Variants in MDGA2 observed in about 807,000 individuals in gnomAD.
MDGA2 encodes MAM domain containing glycosylphosphatidylinositol anchor 2.
Under a neutral mutation model 117.8 loss-of-function variants are expected in MDGA2, and 40 were observed. The observed-to-expected ratio is 0.34, with a 90% CI of 0.26 to 0.44. The LOEUF (loss-of-function observed/expected upper bound fraction) is 0.44, where lower values mean the gene tolerates loss of function less well. Among genes scored for constraint, MDGA2 ranks in the 20% least tolerant of loss-of-function variants. MDGA2 has a pLI of 1.00. For missense variants in MDGA2, 1,123 were observed against 1,250.6 expected, an observed-to-expected ratio of 0.90 and a Z score of 1.54; for synonymous variants, 452 against 439.0, an observed-to-expected ratio of 1.03 and a Z score of -0.37.
At chr14:47,254,512 G>A (rs973955357) in intron 2 of MDGA2, among the ~76,000 whole-genome samples, 6 of 152,086 alleles carry the variant, frequency 3.9e-5, no homozygotes, top group Non-Finnish European at 7.3e-5. Context: ...AGATCACCTC[G>A]GACTGGACGT....
At chr14:46,874,354 A>G (rs1209446414) in intron 12 of MDGA2, among the ~76,000 whole-genome samples, 154 bp from the exon 13 acceptor site, 1 of 151,870 alleles carries the variant, frequency 6.6e-6, no homozygotes, top group Non-Finnish European at 1.5e-5. Context: ...TTACAACTAA[A>G]CATAAAACCA....
chr14:46,840,795 C>G lies in MDGA2; in HGVS notation c.*1136G>C, dbSNP rs1418960601. On this transcript the variant is annotated 3_prime_UTR_variant, in exon 17 of 17. Transcript: ENST00000399232. ...TTCTGCACTAAGTATTCTTAATAAC[C>G]TTTTGCTCTGGTTGACCCATTTAAT... The G allele has an allele frequency of 6.6e-6, 1 of 152,472 alleles. No homozygotes were observed. The highest frequency in any genetic ancestry group is 2.4e-5 in the African/African-American group (1 of 41,416). The allele number at this position is 152,472 out of a possible 1,614,324, so 9.4% of individuals were successfully genotyped here.
At chr14:47,524,865 G>A (rs1378304274) in intron 1 of MDGA2, among the ~76,000 whole-genome samples, 3 of 152,184 alleles carry the variant, frequency 2.0e-5, no homozygotes, top group Non-Finnish European at 4.4e-5. Flanking sequence ...GATTTCTTAA[G>A]CGAGTTGTGG....
At chr14:47,583,170 C>T (rs1896260064) in intron 1 of MDGA2, among the ~76,000 whole-genome samples, 1 of 151,814 alleles carries the variant, frequency 6.6e-6, no homozygotes, top group East Asian at 1.9e-4. Context: ...TGAGGTGAAA[C>T]AGACAATGTG....
chr14:47,555,498 A>T (rs1226604767), intron 1 of MDGA2, among the ~76,000 whole-genome samples: 1 of 152,178 alleles, frequency 6.6e-6, no homozygotes, highest in African/African-American at 2.4e-5. Flanking sequence ...GTTGTCATTA[A>T]GTTGCCATGT....
chr14:47,377,224 G>A (rs1319877822), intron 1 of MDGA2, among the ~76,000 whole-genome samples: 1 of 152,104 alleles, frequency 6.6e-6, no homozygotes, highest in East Asian at 1.9e-4. Flanking sequence ...TAAAGCTGAA[G>A]AAAAATATAC....
chr14:47,621,172 T>G (rs1897043019), intron 1 of MDGA2, among the ~76,000 whole-genome samples: 1 of 152,120 alleles, frequency 6.6e-6, no homozygotes, highest in Admixed American at 6.5e-5. Context: ...TAGAACTTGA[T>G]TTTCCTTTTA....
chr14:47,583,810 T>C, intron 1 of MDGA2, among the ~76,000 whole-genome samples: 1 of 151,880 alleles, frequency 6.6e-6, no homozygotes. Context: ...ACCTTATGTG[T>C]AAACAGCATT....
chr14:47,013,820 G>A (rs144402430), intron 8 of MDGA2, among the ~76,000 whole-genome samples: 1 of 99,852 alleles, frequency 1.0e-5, no homozygotes, highest in African/African-American at 3.5e-5. Context: ...ACAGAGTGTT[G>A]CTCTTTTTGC....
rs545938770 is a variant in MDGA2 at position 47,391,912 on chromosome 14, T to C, written c.281-90362A>G. ...TTAAAAGTTATTTTAAACTGACACC[T>C]CTTTATGTTAATTATTCTCATATGC... is the stretch of plus-strand genomic sequence containing the variant. On this transcript the variant is annotated intron_variant, in intron 1 of 16. Coordinates refer to ENST00000399232, the MANE Select transcript of MDGA2 (RefSeq NM_001113498.3). Among the ~76,000 whole-genome samples, 74 of 152,178 alleles carry C rather than the reference T, an allele frequency of 4.9e-4. 1 individual carries two copies. Among genetic ancestry groups the C allele is most frequent in the Non-Finnish European group, 9.1e-4 (62 of 68,032 alleles).
At chr14:47,415,947 T>C (rs181038080) in intron 1 of MDGA2, among the ~76,000 whole-genome samples, 1 of 152,278 alleles carries the variant, frequency 6.6e-6, no homozygotes, top group Non-Finnish European at 1.5e-5. Flanking sequence ...GTAAATACTA[T>C]CACCTTCATG....
intron 2 of MDGA2, among the ~76,000 whole-genome samples, chr14:47,271,246 T>G (rs917959384): frequency 6.6e-6 from 1 of 152,186 alleles, no homozygotes; most frequent in South Asian, 2.1e-4. Flanking sequence ...TCCTTCTTTT[T>G]ATTTTTAATA....
chr14:46,893,103 T>C (rs1237247674), intron 10 of MDGA2, among the ~76,000 whole-genome samples: 1 of 151,862 alleles, frequency 6.6e-6, no homozygotes, highest in Non-Finnish European at 1.5e-5. Flanking sequence ...ACAACCTAAA[T>C]GTCCATGAAT....
intron 8 of MDGA2, among the ~76,000 whole-genome samples, chr14:46,960,181 G>A (rs571655049): frequency 9.9e-5 from 15 of 151,960 alleles, no homozygotes; most frequent in South Asian, 2.1e-4. Flanking sequence ...AGATTGCACC[G>A]CTGCACTCCA....
chr14:47,084,520 A>C (rs936614642), intron 6 of MDGA2, among the ~76,000 whole-genome samples: 1 of 151,628 alleles, frequency 6.6e-6, no homozygotes. Flanking sequence ...AAAAACTGAC[A>C]TGCTGAGTAA....
intron 1 of MDGA2, among the ~76,000 whole-genome samples, chr14:47,405,477 G>A (rs1415267858): frequency 6.6e-6 from 1 of 151,980 alleles, no homozygotes; most frequent in Non-Finnish European, 1.5e-5. Flanking sequence ...TTTATGTTTT[G>A]CCTGTTTCTC....
intron 1 of MDGA2, among the ~76,000 whole-genome samples, chr14:47,404,182 A>T (rs1322195197): frequency 7.5e-6 from 1 of 133,228 alleles, no homozygotes; most frequent in Non-Finnish European, 1.6e-5. Flanking sequence ...TTATTCTATA[A>T]TACCAACCTT....
In MDGA2 at chr14:47,367,701, A is replaced by G. The variant is rs533015875; in HGVS notation, c.281-66151T>C. 2.0e-5 allele frequency among the ~76,000 whole-genome samples: 3 copies of G among 152,278 alleles called. No homozygotes were observed. In the East Asian group the frequency reaches 5.8e-4, roughly 29 times the overall value. ...AAATCTCATCTACACAAGAGCAACA[A>G]TTACCAACATACGTTTCTTGACCTC... On this transcript the variant is annotated intron_variant, in intron 1 of 16. Transcript: ENST00000399232.
chr14:47,059,238 A>T, intron 7 of MDGA2: 1 of 1,003,420 alleles, frequency 1.0e-6, no homozygotes. Context: ...GATTATAGCA[A>T]TGAGTGATGC....
Sources: allele counts gnomAD v4.1 joint callset (sites outside exome capture counted in the v4.1 genomes callset), GRCh38; gene constraint gnomAD v4.1.1; transcripts MANE v1.5; gene names NCBI Gene and HGNC (gene_info 2026-07-23, HGNC 2026-07-21).